Variants in PACSIN1 observed in about 807,000 individuals in gnomAD.
The protein encoded by PACSIN1 is protein kinase C and casein kinase substrate in neurons protein 1.
Under a neutral mutation model 59.5 loss-of-function variants are expected in PACSIN1, and 15 were observed. That is an observed-to-expected ratio of 0.25 (90% CI 0.17 to 0.39). The LOEUF is 0.39. PACSIN1 is among the 10% of genes least tolerant of loss of function. The pLI is 1.00. For missense variants in PACSIN1, 420 were observed against 580.2 expected (o/e 0.72, Z 2.84); for synonymous variants, 210 against 220.6 (o/e 0.95, Z 0.42).
chr6:34,478,150 C>T (rs537491949), intron 1 of PACSIN1, among the ~76,000 whole-genome samples: 4 of 151,364 alleles, frequency 2.6e-5, no homozygotes, highest in East Asian at 1.9e-4. Context: ...ACCTCCGGCT[C>T]CCGGGTTCCA....
chr6:34,524,763 G>T (rs1767454681), intron 1 of PACSIN1, among the ~76,000 whole-genome samples: 1 of 152,216 alleles, frequency 6.6e-6, no homozygotes, highest in Non-Finnish European at 1.5e-5. Flanking sequence ...TGAAGGGTGT[G>T]TACCCCATAA....
chr6:34,512,013 G>A (rs1767210339), intron 1 of PACSIN1, among the ~76,000 whole-genome samples: 1 of 152,174 alleles, frequency 6.6e-6, no homozygotes, highest in Non-Finnish European at 1.5e-5. Flanking sequence ...CCAGGAACAG[G>A]AGCTGAGGTT....
intron 1 of PACSIN1, among the ~76,000 whole-genome samples, chr6:34,497,825 A>G (rs1267584228): frequency 6.6e-6 from 1 of 152,112 alleles, no homozygotes; most frequent in Non-Finnish European, 1.5e-5. Flanking sequence ...CAAAGTCCCC[A>G]CTGGGCCCAG....
At chr6:34,520,274 A>G (rs58256769) in intron 1 of PACSIN1, among the ~76,000 whole-genome samples, 2,530 of 152,276 alleles carry the variant, frequency 0.017, 62 homozygotes, top group African/African-American at 0.057. Context: ...CTGTCGGTCT[A>G]TCTCTGGGTA....
intron 1 of PACSIN1, among the ~76,000 whole-genome samples, chr6:34,478,521 C>T (rs888717529): frequency 1.3e-5 from 2 of 151,684 alleles, no homozygotes; most frequent in Non-Finnish European, 2.9e-5. Context: ...TGCAGGCATG[C>T]GTCACCACAC....
At chr6:34,497,170 G>A (rs563788583) in intron 1 of PACSIN1, among the ~76,000 whole-genome samples, 148 of 151,894 alleles carry the variant, frequency 9.7e-4, no homozygotes, top group Non-Finnish European at 1.9e-3. Flanking sequence ...GGCTGGTTTC[G>A]AACTCCTGAG....
intron 1 of PACSIN1, among the ~76,000 whole-genome samples, chr6:34,494,887 G>A (rs900550378): frequency 6.6e-5 from 10 of 152,194 alleles, no homozygotes. Flanking sequence ...TCAGAGCTCA[G>A]GCAAACACTG....
chr6:34,475,916 T>C (rs1766633010), intron 1 of PACSIN1, among the ~76,000 whole-genome samples: 3 of 152,226 alleles, frequency 2.0e-5, no homozygotes, highest in Admixed American at 6.5e-5. Flanking sequence ...GGGTTAGATT[T>C]AAGCTCAAAT....
intron 1 of PACSIN1, among the ~76,000 whole-genome samples, chr6:34,480,717 T>C (rs1302861144): frequency 6.6e-6 from 1 of 152,100 alleles, no homozygotes; most frequent in Non-Finnish European, 1.5e-5. Flanking sequence ...CAGGTAAACA[T>C]ATGCATGCAG....
intron 1 of PACSIN1, among the ~76,000 whole-genome samples, chr6:34,522,006 T>C (rs1767401477): frequency 6.6e-6 from 1 of 152,202 alleles, no homozygotes; most frequent in Admixed American, 6.5e-5. Context: ...CACCTGTAGC[T>C]GCGCGATCTT....
chr6:34,512,108 G>A (rs542936319), intron 1 of PACSIN1, among the ~76,000 whole-genome samples: 1 of 151,954 alleles, frequency 6.6e-6, no homozygotes, highest in Non-Finnish European at 1.5e-5. Flanking sequence ...TGATGTAGGG[G>A]GTGTCCCTGT....
At chr6:34,520,379 G>A (rs1305203865) in intron 1 of PACSIN1, among the ~76,000 whole-genome samples, 3 of 152,166 alleles carry the variant, frequency 2.0e-5, no homozygotes, top group Non-Finnish European at 4.4e-5. Flanking sequence ...CCATGTCCCT[G>A]TCCCTGAGCT....
Position 34,529,984 on chromosome 6 carries a change from C to G in PACSIN1, c.788+143C>G. 9.7e-7 allele frequency: 1 copy of G among 1,032,606 alleles called. No individual in the cohort carries two copies. 64.0% of individuals were successfully genotyped at this position (1,032,606 alleles called of 1,614,324 possible). On this transcript the variant is annotated intron_variant, in intron 6 of 9. Coordinates refer to ENST00000244458, the MANE Select transcript of PACSIN1 (RefSeq NM_020804.5). The surrounding 1 kb of genome is among the most constrained non-coding windows in gnomAD (Gnocchi z 6.3). Reference sequence around the variant, plus strand: ...GTCAAGAAGGATGAGGCTTCAAACACAGGGGCTGTTGAGTGCAAGCTGACG... The same window carrying G: ...GTCAAGAAGGATGAGGCTTCAAACAGAGGGGCTGTTGAGTGCAAGCTGACG...
At chr6:34,492,295 G>C (rs1333026037) in intron 1 of PACSIN1, among the ~76,000 whole-genome samples, 1 of 141,054 alleles carries the variant, frequency 7.1e-6, no homozygotes, top group Non-Finnish European at 1.5e-5. Flanking sequence ...TCTGCCTCCT[G>C]CCTCTTGGGT....
At position 34,529,724 on chromosome 6, in the gene PACSIN1, T is replaced by C; in HGVS notation, c.671T>C (p.Met224Thr). 1 of 1,614,064 alleles carries C rather than the reference T, an allele frequency of 6.2e-7. No individual in the cohort carries two copies. Residue 224 changes from methionine to threonine, a missense_variant, in exon 6 of 10, where the codon ATG (methionine) becomes ACG (threonine). Met to Thr is a moderately conservative substitution (Grantham distance 81). Coordinates refer to ENST00000244458, the MANE Select transcript of PACSIN1 (RefSeq NM_020804.5). The surrounding 1 kb of genome is among the most constrained non-coding windows in gnomAD (Gnocchi z 6.3). ...GTGGGCAAGACCACACCCCAGTACATGGAGAACATGGAGCAGGTGTTTGAG... is the reference window on the plus strand; with the variant it reads ...GTGGGCAAGACCACACCCCAGTACACGGAGAACATGGAGCAGGTGTTTGAG... ...EDVGKTTPQYMENMEQVFEQC... is the reference protein window; with the variant it reads ...EDVGKTTPQYTENMEQVFEQC...
rs746615372 is a variant in PACSIN1 at position 34,516,796 on chromosome 6, C to T, written c.-63-9447C>T. ...CCCTGGCCCAATTCATTGCACACAA[C>T]GTGCCCACAGCCCAGGGCACCTGCC... On this transcript the variant is annotated intron_variant, in intron 1 of 9. Transcript: ENST00000244458. This position sits in a 1 kb window ranked among gnomAD's most constrained non-coding sequence, Gnocchi z 5.4. 2.0e-5 allele frequency among the ~76,000 whole-genome samples: 3 copies of T among 152,196 alleles called. No individual in the cohort carries two copies. The highest frequency in any genetic ancestry group is 7.2e-5 in the African/African-American group (3 of 41,458).
Position 34,531,648 on chromosome 6 carries a change from C to T in PACSIN1, c.1086C>T (p.Asp362=), listed in dbSNP as rs543442629. 1.2e-6 allele frequency: 2 copies of T among 1,613,988 alleles called. No homozygotes were observed. The highest frequency in any genetic ancestry group is 2.2e-5 in the South Asian group (2 of 91,054). Residue 362 remains aspartate, a synonymous_variant, in exon 9 of 10, where the codon GAC becomes GAT. Coordinates refer to ENST00000244458, the MANE Select transcript of PACSIN1 (RefSeq NM_020804.5). The surrounding 1 kb of genome is among the most constrained non-coding windows in gnomAD (Gnocchi z 4.4). ...RGQPYATEWS[D]DESGNPFGGS... ...AGCCCTACGCCACCGAGTGGTCAGA[C>T]GACGAGAGTGGGAACCCCTTTGGGG...
At chr6:34,500,443 T>G (rs1379700531) in intron 1 of PACSIN1, among the ~76,000 whole-genome samples, 1 of 152,220 alleles carries the variant, frequency 6.6e-6, no homozygotes. Context: ...GAAAGGAATC[T>G]TTTTTTCTGA....
rs1205896598 is a variant in PACSIN1, at chr6:34,529,236, G to A, written c.457-161G>A. Among the ~76,000 whole-genome samples, 1 of 151,996 alleles carries A rather than the reference G, an allele frequency of 6.6e-6. No homozygotes were observed. The highest frequency in any genetic ancestry group is 1.9e-4 in the East Asian group (1 of 5,148). On this transcript the variant is annotated intron_variant, in intron 4 of 9. Coordinates refer to ENST00000244458, the MANE Select transcript of PACSIN1 (RefSeq NM_020804.5). This position sits in a 1 kb window ranked among gnomAD's most constrained non-coding sequence, Gnocchi z 6.3. ...GAGACGCAGCCACAAATGGAGGAGCGCTGCTCCCGAACACCTGGAGCCAGG... is the reference window on the plus strand; with the variant it reads ...GAGACGCAGCCACAAATGGAGGAGCACTGCTCCCGAACACCTGGAGCCAGG...
Sources: allele counts gnomAD v4.1 joint callset (sites outside exome capture counted in the v4.1 genomes callset), GRCh38; gene constraint gnomAD v4.1.1; non-coding constraint Gnocchi (gnomAD v3.1); transcripts MANE v1.5; gene names NCBI Gene and HGNC (gene_info 2026-07-23, HGNC 2026-07-21).